Variants in SNX16 observed in about 807,000 individuals in gnomAD.
SNX16 encodes the protein sorting nexin-16.
In SNX16, 35 loss-of-function variants were observed where a neutral mutation model predicts 36.7. The observed-to-expected ratio is 0.95, with a 90% confidence interval of 0.73 to 1.27. The LOEUF is 1.27. Ranked by LOEUF, SNX16 falls within the 50% of genes most tolerant of loss-of-function variation. The probability of loss-of-function intolerance (pLI) is 0.00; values close to 1 mark genes in which losing one functional copy is unlikely to be tolerated. For synonymous variants in SNX16, 134 were observed against 132.0 expected (o/e 1.02, Z -0.10); for missense variants, 367 against 393.6 (o/e 0.93, Z 0.57).
intron 5 of SNX16, among the ~76,000 whole-genome samples, chr8:81,809,820 T>C (rs1193448901): frequency 6.6e-6 from 1 of 152,230 alleles, no homozygotes; most frequent in African/African-American, 2.4e-5. Flanking sequence ...AACAATTGTA[T>C]TCCTAGGAAA....
chr8:81,834,139 T>C (rs1190751901), intron 2 of SNX16, among the ~76,000 whole-genome samples: 1 of 152,194 alleles, frequency 6.6e-6, no homozygotes, highest in Non-Finnish European at 1.5e-5. Context: ...CTTATAATCA[T>C]GGTGGAAAGT....
intron 5 of SNX16, 108 bp downstream of exon 5, chr8:81,815,216 GC>G (rs1445801945): frequency 1.9e-5 from 15 of 778,054 alleles, no homozygotes; most frequent in Non-Finnish European, 2.9e-5. Context: ...AACTACCATA[GC>G]CTGAAATTAT....
intron 5 of SNX16, among the ~76,000 whole-genome samples, chr8:81,804,344 A>C (rs923121642): frequency 6.6e-6 from 1 of 152,068 alleles, no homozygotes; most frequent in African/African-American, 2.4e-5. Context: ...AGAGGAATGA[A>C]AGTGACAAAG....
At position 81,799,999 on chromosome 8, in the gene SNX16, C is replaced by T. The variant is rs574442372; in HGVS notation, c.*1498G>A. On this transcript the variant is annotated 3_prime_UTR_variant, in exon 8 of 8. Coordinates refer to ENST00000345957, the MANE Select transcript of SNX16 (RefSeq NM_152836.3). Reference sequence around the variant, plus strand: ...AAAATGTTCTGAGAACATACCTGTGCACTTTGACAGACTAAAAATTTTTGG... The same window carrying T: ...AAAATGTTCTGAGAACATACCTGTGTACTTTGACAGACTAAAAATTTTTGG... 5.2e-5 allele frequency: 3 copies of T among 57,434 alleles called. No individual in the cohort carries two copies. The highest frequency in any genetic ancestry group is 2.3e-4 in the East Asian group (1 of 4,312). The allele number at this position is 57,434 out of a possible 1,614,324, so 3.6% of individuals were successfully genotyped here.
intron 2 of SNX16, among the ~76,000 whole-genome samples, chr8:81,835,369 T>C (rs1455403162): frequency 1.3e-5 from 2 of 152,238 alleles, no homozygotes; most frequent in East Asian, 1.9e-4. Flanking sequence ...CCCATTGTCT[T>C]GGGGATTAAC....
In SNX16 at chr8:81,800,024, G is replaced by A. The variant is rs1377378638; in HGVS notation, c.*1473C>T. On this transcript the variant is annotated 3_prime_UTR_variant, in exon 8 of 8. Coordinates refer to ENST00000345957, the MANE Select transcript of SNX16 (RefSeq NM_152836.3). ...CACTTTGACAGACTAAAAATTTTTGGTTATTTGGTAAAAAGTGATCTCCTT... is the reference window on the plus strand; with the variant it reads ...CACTTTGACAGACTAAAAATTTTTGATTATTTGGTAAAAAGTGATCTCCTT... The A allele has an allele frequency of 6.6e-6, 1 of 151,688 alleles. No individual in the cohort carries two copies. The highest frequency in any genetic ancestry group is 1.5e-5 in the Non-Finnish European group (1 of 67,760). 9.4% of individuals were successfully genotyped at this position (151,688 alleles called of 1,614,324 possible). A position where few individuals can be genotyped will look rare whatever the true frequency, so the allele number is the denominator to read the frequency against.
chr8:81,817,701 T>C lies in SNX16; in HGVS notation c.612-2307A>G, dbSNP rs183409075. Among the ~76,000 whole-genome samples, 840 of 152,300 alleles carry C rather than the reference T, an allele frequency of 5.5e-3. 27 individuals carry two copies. The highest frequency in any genetic ancestry group is 2.3e-3 in the Non-Finnish European group (158 of 67,996). ...GTCAATACCCTCAAACTCTATTTTC[T>C]TTCTAAGGAGAGGACACACAAGAAT... On this transcript the variant is annotated intron_variant, in intron 4 of 7. Coordinates refer to ENST00000345957, the MANE Select transcript of SNX16 (RefSeq NM_152836.3).
intron 5 of SNX16, among the ~76,000 whole-genome samples, chr8:81,813,849 T>C (rs780033517): frequency 6.6e-6 from 1 of 151,814 alleles, no homozygotes; most frequent in Admixed American, 6.6e-5. Context: ...ATTAGAAACA[T>C]GAAAATTAAA....
chr8:81,812,072 C>T lies in SNX16; in HGVS notation c.681+3253G>A, dbSNP rs560182752. ...GGCTCAACAGGAGATTTAATATGAC[C>T]GAAATATAAATCTGTGAATCTGAAG... On this transcript the variant is annotated intron_variant, in intron 5 of 7. Coordinates refer to ENST00000345957, the MANE Select transcript of SNX16 (RefSeq NM_152836.3). Among the ~76,000 whole-genome samples the T allele has an allele frequency of 1.1e-4, 17 of 151,538 alleles. No individual in the cohort carries two copies. In the South Asian group the frequency reaches 1.3e-3, roughly 11 times the overall value.
intron 4 of SNX16, among the ~76,000 whole-genome samples, chr8:81,821,122 T>C (rs1378724744): frequency 6.7e-6 from 1 of 150,044 alleles, no homozygotes; most frequent in East Asian, 2.0e-4. Context: ...GCATACTAGA[T>C]TCTTTCATGC....
intron 5 of SNX16, among the ~76,000 whole-genome samples, chr8:81,803,704 G>C (rs1212910522): frequency 6.6e-6 from 1 of 151,920 alleles, no homozygotes; most frequent in African/African-American, 2.4e-5. Flanking sequence ...GCAGTACCAG[G>C]ATGGTACAAG....
chr8:81,812,804 G>C (rs1810319453), intron 5 of SNX16, among the ~76,000 whole-genome samples: 1 of 151,920 alleles, frequency 6.6e-6, no homozygotes, highest in African/African-American at 2.4e-5. Context: ...ACTGTATAAA[G>C]AAATAATTAT....
Position 81,801,529 on chromosome 8 carries a change from C to A in SNX16, c.1003G>T (p.Ala335Ser), listed in dbSNP as rs939972054. The A allele has an allele frequency of 7.5e-6, 12 of 1,594,362 alleles. No homozygotes were observed. The highest frequency in any genetic ancestry group is 6.8e-5 in the Admixed American group (4 of 58,916). Residue 335 changes from alanine (A) to serine (S), a missense_variant, in exon 8 of 8, where the codon GCA becomes TCA. Physicochemically the swap from Ala to Ser is moderately conservative, Grantham distance 99. Transcript: ENST00000345957. The part of the protein sequence containing the change: ...PENAVSEIEV[A>S]EVAYDAEED Reference sequence around the variant, plus strand: ...TCTTCAGCATCATATGCCACTTCTGCTACTTCTATCTCTGATACAGCATTT... The same window carrying A: ...TCTTCAGCATCATATGCCACTTCTGATACTTCTATCTCTGATACAGCATTT...
chr8:81,831,719 T>G (rs933768258), intron 2 of SNX16, among the ~76,000 whole-genome samples: 1 of 144,928 alleles, frequency 6.9e-6, no homozygotes, highest in Non-Finnish European at 1.5e-5. Context: ...AAAAGGAACT[T>G]AAACAATTCA....
Position 81,803,243 on chromosome 8 carries a change from C to T in SNX16, c.682-15G>A. The T allele has an allele frequency of 6.3e-7, 1 of 1,586,454 alleles. No homozygotes were observed. Among genetic ancestry groups the T allele is most frequent in the Non-Finnish European group, 8.5e-7 (1 of 1,170,966 alleles). On this transcript the variant is annotated splice_polypyrimidine_tract_variant and intron_variant, in intron 5 of 7. Coordinates refer to ENST00000345957, the MANE Select transcript of SNX16 (RefSeq NM_152836.3). Reference sequence around the variant, plus strand: ...TCACAGAATGCCTTAAAAAAAACAACAAACAAAACTAAACACATGCAGAAA... The same window carrying T: ...TCACAGAATGCCTTAAAAAAAACAATAAACAAAACTAAACACATGCAGAAA...
intron 4 of SNX16, chr8:81,815,606 G>T (rs1810446776): frequency 4.8e-6 from 2 of 413,146 alleles, no homozygotes; most frequent in Middle Eastern, 7.0e-4. Flanking sequence ...CAAATTTATT[G>T]TTACATACAA....
intron 4 of SNX16, among the ~76,000 whole-genome samples, chr8:81,815,998 C>G (rs965529673): frequency 6.6e-5 from 10 of 151,968 alleles, no homozygotes; most frequent in Admixed American, 6.6e-4. Flanking sequence ...ATCAGAGAAA[C>G]AGGTTAAGGA....
At chr8:81,826,556 C>T (rs149219071) in intron 3 of SNX16, among the ~76,000 whole-genome samples, 3 of 152,184 alleles carry the variant, frequency 2.0e-5, no homozygotes, top group Non-Finnish European at 4.4e-5. Context: ...TCTCCCAGTC[C>T]ACCCTAAAAC....
intron 7 of SNX16, 67 bp downstream of exon 7, chr8:81,802,313 A>C: frequency 7.6e-7 from 1 of 1,310,452 alleles, no homozygotes; most frequent in Non-Finnish European, 1.0e-6. Flanking sequence ...AATACTCTAT[A>C]GAGTATTAGA....
Sources: allele counts gnomAD v4.1 joint callset (sites outside exome capture counted in the v4.1 genomes callset), GRCh38; gene constraint gnomAD v4.1.1; transcripts MANE v1.5; gene names NCBI Gene and HGNC (gene_info 2026-07-23, HGNC 2026-07-21).